The following ESPN variants were observed in gnomAD, a reference collection of about 807,000 sequenced individuals.
ESPN encodes the protein autosomal recessive deafness type 36 protein.
A neutral mutation model predicts 77.7 loss-of-function variants in ESPN; 68 were observed. The ratio of observed to expected loss-of-function variants is 0.87; its 90% CI spans 0.72 to 1.07. ESPN has a LOEUF of 1.07. Ranked by LOEUF, ESPN falls within the 50% of genes least tolerant of loss-of-function variation. The pLI is 0.00. For synonymous variants in ESPN, 449 were observed against 567.1 expected (o/e 0.79, Z 2.96); for missense variants, 1,060 against 1,239.0 (o/e 0.86, Z 2.17).
At chr1:6,430,774 G>C (rs1643213574) in intron 2 of ESPN, among the ~76,000 whole-genome samples, 1 of 151,678 alleles carries the variant, frequency 6.6e-6, no homozygotes, top group East Asian at 1.9e-4. Context: ...TCTGTCTCAA[G>C]GGGGAAAAAA....
At chr1:6,457,467 T>C in intron 12 of ESPN, 95 bp downstream of exon 12, 1 of 1,469,188 alleles carries the variant, frequency 6.8e-7, no homozygotes, top group Non-Finnish European at 9.5e-7. Context: ...TACATCCTCC[T>C]GTCTCTTGGC....
chr1:6,448,569 G>C lies in ESPN; in HGVS notation c.1465-72G>C, dbSNP rs1174624270. The C allele has an allele frequency of 2.9e-6, 4 of 1,369,104 alleles. No homozygotes were observed. In the African/African-American group the frequency reaches 6.1e-5, roughly 21 times the overall value. 84.8% of individuals were successfully genotyped at this position (1,369,104 alleles called of 1,614,324 possible). A position where few individuals can be genotyped will look rare whatever the true frequency, so the allele number is the denominator to read the frequency against. On this transcript the variant is annotated intron_variant, in intron 7 of 12. Coordinates refer to ENST00000645284, the MANE Select transcript of ESPN (RefSeq NM_031475.3). ...GCCGCGAGTCCCCAGGAGGTGAAGAGCTGGGTGGGGAGGCGTGGGGGGCGC... is the reference window on the plus strand; with the variant it reads ...GCCGCGAGTCCCCAGGAGGTGAAGACCTGGGTGGGGAGGCGTGGGGGGCGC...
At chr1:6,431,842 C>T (rs1205132024) in intron 2 of ESPN, among the ~76,000 whole-genome samples, 1 of 152,152 alleles carries the variant, frequency 6.6e-6, no homozygotes, top group African/African-American at 2.4e-5. Flanking sequence ...TATTGAGCAT[C>T]TTCTATGTGC....
chr1:6,439,098 C>T (rs548607028), intron 2 of ESPN, among the ~76,000 whole-genome samples: 1 of 152,212 alleles, frequency 6.6e-6, no homozygotes, highest in South Asian at 2.1e-4. Flanking sequence ...GATGACAGAG[C>T]AAGACTCCGT....
Position 6,428,322 on chromosome 1 carries a change from C to G in ESPN, c.391C>G (p.Pro131Ala). The G allele has an allele frequency of 3.1e-6, 5 of 1,613,012 alleles. No individual in the cohort carries two copies. Among genetic ancestry groups the G allele is most frequent in the Non-Finnish European group, 3.4e-6 (4 of 1,179,980 alleles). Reference protein sequence around the residue: ...NWLLHHGGGDPTAATDMGALP... With the variant: ...NWLLHHGGGDATAATDMGALP... ...GCTCTTGCATCATGGCGGTGGGGAC[C>G]CCACCGCGGCCACAGACATGGGCGC... The change falls in exon 2 of 13, where the codon CCC becomes GCC. Residue 131 changes from proline (P) to alanine (A), a missense_variant. By Grantham distance (27) the Pro-to-Ala change is conservative. Transcript: ENST00000645284. This position sits in a 1 kb window ranked among gnomAD's most constrained non-coding sequence, Gnocchi z 5.4.
At chr1:6,454,700 T>C in intron 10 of ESPN, 1 of 398,582 alleles carries the variant, frequency 2.5e-6, no homozygotes, top group East Asian at 3.6e-5. Context: ...GCCGAATGCA[T>C]GGCCGCGCCG....
chr1:6,427,481 G>A lies in ESPN; in HGVS notation c.295-745G>A, dbSNP rs962140840. ...TGGCCCCACCTGCTCTGAGGTCCCC[G>A]GGGGGAGTTTTGTCCAAGCCCTCCC... is the stretch of plus-strand genomic sequence containing the variant. On this transcript the variant is annotated intron_variant, in intron 1 of 12. Transcript: ENST00000645284. This position sits in a 1 kb window ranked among gnomAD's most constrained non-coding sequence, Gnocchi z 4.6. Among the ~76,000 whole-genome samples, 3 of 152,074 alleles carry A rather than the reference G, an allele frequency of 2.0e-5. No individual in the cohort carries two copies. The highest frequency in any genetic ancestry group is 4.8e-5 in the African/African-American group (2 of 41,412).
chr1:6,434,413 C>T (rs1413500695), intron 2 of ESPN, among the ~76,000 whole-genome samples: 3 of 152,298 alleles, frequency 2.0e-5, no homozygotes, highest in South Asian at 2.1e-4. Context: ...TTTGTCTTCC[C>T]GGCTCTGTAT....
Position 6,445,769 on chromosome 1 carries a change from C to A in ESPN, c.1298C>A (p.Pro433His). ...GTIGKPTPPPPPPSFPPPPPP... is the reference protein window; with the variant it reads ...GTIGKPTPPPHPPSFPPPPPP... ...ATTGGGAAGCCCACACCCCCACCAC[C>A]CCCACCCAGCTTCCCCCCGCCACCC... The change falls in exon 7 of 13, where the codon CCC becomes CAC. Residue 433 changes from proline (P) to histidine (H), a missense_variant. By Grantham distance (77) the Pro-to-His change is moderately conservative. Coordinates refer to ENST00000645284, the MANE Select transcript of ESPN (RefSeq NM_031475.3). The A allele has an allele frequency of 1.3e-6, 2 of 1,502,938 alleles. No homozygotes were observed. Among genetic ancestry groups the A allele is most frequent in the Non-Finnish European group, 9.0e-7 (1 of 1,105,762 alleles). The allele number at this position is 1,502,938 out of a possible 1,614,324, so 93.1% of individuals were successfully genotyped here. A position where few individuals can be genotyped will look rare whatever the true frequency, so the allele number is the denominator to read the frequency against.
rs557727766 is a variant in ESPN, at chr1:6,447,796, C to T, written c.1465-845C>T. On this transcript the variant is annotated intron_variant, in intron 7 of 12. Coordinates refer to ENST00000645284, the MANE Select transcript of ESPN (RefSeq NM_031475.3). The surrounding 1 kb of genome is among the most constrained non-coding windows in gnomAD (Gnocchi z 5.2). ...CTCCTCTGCCCACAGTCAGCCCTCT[C>T]CCCTCTCGGGCGGGGATGAAGGTGG... is the stretch of plus-strand genomic sequence containing the variant. Among the ~76,000 whole-genome samples the T allele has an allele frequency of 3.3e-5, 5 of 152,196 alleles. No homozygotes were observed. The South Asian group carries it at 1.0e-3, about 32-fold the overall frequency.
In ESPN at chr1:6,449,072, C is replaced by G; in HGVS notation, c.1896C>G (p.Arg632=). ...ESAGPGCGQR[R]SSSSTGSTKS... ...CTGGCCCTGGCTGCGGGCAGCGCCG[C>G]TCCTCCTCGTCCACCGGCAGTGAGT... is the stretch of plus-strand genomic sequence containing the variant. The change falls in exon 8 of 13, where the codon CGC becomes CGG. Residue 632 remains arginine, a synonymous_variant. Transcript: ENST00000645284. 1 of 1,483,424 alleles carries G rather than the reference C, an allele frequency of 6.7e-7. No homozygotes were observed. The highest frequency in any genetic ancestry group is 8.9e-7 in the Non-Finnish European group (1 of 1,124,138). The allele number at this position is 1,483,424 out of a possible 1,614,324, so 91.9% of individuals were successfully genotyped here. A position where few individuals can be genotyped will look rare whatever the true frequency, so the allele number is the denominator to read the frequency against.
Position 6,448,964 on chromosome 1 carries a change from A to G in ESPN, c.1788A>G (p.Pro596=), listed in dbSNP as rs1643899461. The part of the protein sequence containing the change: ...AADPKASREL[P]PPPPPPPPPL... ...ACCCCAAGGCGTCCAGGGAGCTGCC[A>G]CCGCCGCCCCCACCGCCGCCGCCGC... Residue 596 remains proline (P), a synonymous_variant, in exon 8 of 13, where the codon CCA becomes CCG. Transcript: ENST00000645284. 2 of 1,402,920 alleles carry G rather than the reference A, an allele frequency of 1.4e-6. No homozygotes were observed. Among genetic ancestry groups the G allele is most frequent in the African/African-American group, 1.5e-5 (1 of 66,162 alleles). 86.9% of individuals were successfully genotyped at this position (1,402,920 alleles called of 1,614,324 possible).
intron 5 of ESPN, chr1:6,443,196 A>G (rs1338581775): frequency 6.6e-6 from 1 of 152,118 alleles, no homozygotes; most frequent in African/African-American, 2.4e-5. Flanking sequence ...AAAGTTGACA[A>G]TATGGCATTT....
rs1170889422 is a variant in ESPN, at chr1:6,437,949, AG to A, written c.489-2299del. ...TGGGAACAAGAGGGTGGGTGGGCAAAGGGGGGTAGCCTGGTGCCCATTGATG... is the reference window on the plus strand; with the variant it reads ...TGGGAACAAGAGGGTGGGTGGGCAAAGGGGGTAGCCTGGTGCCCATTGATG... On this transcript the variant is annotated intron_variant, in intron 2 of 12. Transcript: ENST00000645284. The surrounding 1 kb of genome is among the most constrained non-coding windows in gnomAD (Gnocchi z 4.5). 7.4e-6 allele frequency among the ~76,000 whole-genome samples: 1 copy of A among 134,814 alleles called. No homozygotes were observed. Among genetic ancestry groups the A allele is most frequent in the Non-Finnish European group, 1.6e-5 (1 of 63,020 alleles). 88.4% of individuals were successfully genotyped at this position (134,814 alleles called of 152,430 possible).
intron 8 of ESPN, among the ~76,000 whole-genome samples, chr1:6,449,515 G>A (rs1486164017): frequency 4.6e-5 from 7 of 152,196 alleles, no homozygotes; most frequent in Admixed American, 2.0e-4. Context: ...AGGCCCCGCA[G>A]CTAGCCACCC....
chr1:6,451,263 T>G lies in ESPN; in HGVS notation c.1916-340T>G. The G allele has an allele frequency of 2.5e-6, 1 of 407,358 alleles. No homozygotes were observed. The highest frequency in any genetic ancestry group is 2.2e-5 in the South Asian group (1 of 46,164). The allele number at this position is 407,358 out of a possible 1,614,324, so 25.2% of individuals were successfully genotyped here. A position where few individuals can be genotyped will look rare whatever the true frequency, so the allele number is the denominator to read the frequency against. On this transcript the variant is annotated intron_variant, in intron 8 of 12. Coordinates refer to ENST00000645284, the MANE Select transcript of ESPN (RefSeq NM_031475.3). The surrounding 1 kb of genome is among the most constrained non-coding windows in gnomAD (Gnocchi z 4.3). ...GAACCTGGGACAAAGGTCAGGTGGC[T>G]GATTCCAGGTAGTGTTTTGGAGCTG...
chr1:6,427,273 G>A lies in ESPN; in HGVS notation c.295-953G>A, dbSNP rs1305311065. 6.6e-6 allele frequency among the ~76,000 whole-genome samples: 1 copy of A among 152,098 alleles called. No homozygotes were observed. Among genetic ancestry groups the A allele is most frequent in the Non-Finnish European group, 1.5e-5 (1 of 68,004 alleles). ...CATCCTATGTGCTTGGTGCTGGGAG[G>A]TGGTTCTGTTCCCGAACCAGTACCC... is the stretch of plus-strand genomic sequence containing the variant. On this transcript the variant is annotated intron_variant, in intron 1 of 12. Coordinates refer to ENST00000645284, the MANE Select transcript of ESPN (RefSeq NM_031475.3). The surrounding 1 kb of genome is among the most constrained non-coding windows in gnomAD (Gnocchi z 4.6).
At chr1:6,456,194 C>T (rs1042549778) in intron 10 of ESPN, 6 of 397,786 alleles carry the variant, frequency 1.5e-5, no homozygotes, top group Non-Finnish European at 2.7e-5. Flanking sequence ...TGTTTGACAT[C>T]TGAGCAGCGG....
chr1:6,431,773 C>T (rs1643265385), intron 2 of ESPN, among the ~76,000 whole-genome samples: 1 of 152,308 alleles, frequency 6.6e-6, no homozygotes, highest in South Asian at 2.1e-4. Flanking sequence ...CACACAACCA[C>T]CCCGAGCAGT....
Sources: allele counts gnomAD v4.1 joint callset (sites outside exome capture counted in the v4.1 genomes callset), GRCh38; gene constraint gnomAD v4.1.1; non-coding constraint Gnocchi (gnomAD v3.1); transcripts MANE v1.5; gene names NCBI Gene and HGNC (gene_info 2026-07-23, HGNC 2026-07-21).